The following BLK variants were observed in gnomAD, a reference collection of about 807,000 sequenced individuals.
The protein encoded by BLK is BLK proto-oncogene, Src family tyrosine kinase.
BLK carries 64 observed loss-of-function variants against 61.8 expected under a neutral mutation model. The observed-to-expected ratio is 1.03, with a 90% CI of 0.85 to 1.27. BLK has a LOEUF of 1.27. Ranked by LOEUF, BLK falls within the 50% of genes most tolerant of loss-of-function variation. The pLI is 0.00. For synonymous variants in BLK, 351 were observed against 272.0 expected (o/e 1.29, Z -2.86); for missense variants, 853 against 660.5 (o/e 1.29, Z -3.19).
intron 3 of BLK, 81 bp from the exon 4 acceptor site, chr8:11,547,951 C>T (rs1010125552): frequency 1.7e-6 from 2 of 1,202,556 alleles, no homozygotes; most frequent in Non-Finnish European, 2.5e-6. Flanking sequence ...AGCCTGTCCT[C>T]CTTGGTAGCC....
intron 1 of BLK, among the ~76,000 whole-genome samples, chr8:11,513,828 G>A (rs924366618): frequency 6.6e-5 from 10 of 152,168 alleles, no homozygotes; most frequent in African/African-American, 1.4e-4. Flanking sequence ...CCACCGCCGC[G>A]CACTGCATGA....
chr8:11,540,266 T>C (rs896845778), intron 1 of BLK, among the ~76,000 whole-genome samples: 1 of 152,202 alleles, frequency 6.6e-6, no homozygotes, highest in African/African-American at 2.4e-5. Context: ...ATTTTCCTAA[T>C]ACCATTTATT....
intron 1 of BLK, among the ~76,000 whole-genome samples, chr8:11,529,917 C>A (rs1585364225): frequency 6.6e-6 from 1 of 152,084 alleles, no homozygotes; most frequent in African/African-American, 2.4e-5. Context: ...AGGTGAATAA[C>A]CCCAAAAATC....
In BLK at chr8:11,555,450, A is replaced by G. The variant is rs1481127983; in HGVS notation, c.738A>G (p.Lys246=). 1.9e-5 allele frequency: 30 copies of G among 1,614,002 alleles called. No individual in the cohort carries two copies. The highest frequency in any genetic ancestry group is 2.3e-5 in the Non-Finnish European group (27 of 1,180,020). The stretch of plus-strand genomic sequence containing the variant: ...GGCAGTCTCTCAGGCTGGTCAGGAA[A>G]CTCGGGTCTGGACAATTCGGCGAAG... The part of the protein sequence containing the change: ...IPRQSLRLVR[K]LGSGQFGEVW... Residue 246 remains lysine (K), a synonymous_variant, in exon 8 of 13, where the codon AAA becomes AAG. Transcript: ENST00000259089.
Position 11,530,684 on chromosome 8 carries a change from T to C in BLK, c.-1-12540T>C, listed in dbSNP as rs868176147. ...TTGTTAAAAGTTGTAAATAGCTCAG[T>C]AGAAGTTTTCTTTACTCTGAAAAAC... On this transcript the variant is annotated intron_variant, in intron 1 of 12. Coordinates refer to ENST00000259089, the MANE Select transcript of BLK (RefSeq NM_001715.3). 3.5e-5 allele frequency among the ~76,000 whole-genome samples: 5 copies of C among 144,296 alleles called. No homozygotes were observed. The South Asian group carries it at 6.9e-4, about 20-fold the overall frequency. 94.7% of individuals were successfully genotyped at this position (144,296 alleles called of 152,430 possible).
At chr8:11,538,625 G>T (rs1282781456) in intron 1 of BLK, among the ~76,000 whole-genome samples, 1 of 152,254 alleles carries the variant, frequency 6.6e-6, no homozygotes, top group Admixed American at 6.5e-5. Flanking sequence ...GAAGCTTAAA[G>T]TCAATGGCAA....
At chr8:11,524,511 C>T (rs1311247849) in intron 1 of BLK, among the ~76,000 whole-genome samples, 1 of 152,204 alleles carries the variant, frequency 6.6e-6, no homozygotes, top group Non-Finnish European at 1.5e-5. Flanking sequence ...GTACAGGGAA[C>T]TACATACTTC....
intron 1 of BLK, among the ~76,000 whole-genome samples, chr8:11,535,261 G>GAAAGAAAGA (rs769872213): frequency 9.1e-6 from 1 of 110,454 alleles, no homozygotes; most frequent in African/African-American, 3.6e-5. Context: ...AAGAAAGAAA[G>GAAAGAAAGA]AAGAAAGAAA....
chr8:11,522,581 G>A (rs571856349), intron 1 of BLK, among the ~76,000 whole-genome samples: 1 of 151,916 alleles, frequency 6.6e-6, no homozygotes, highest in South Asian at 2.1e-4. Context: ...GTATGAGGTT[G>A]CCCATCCCAA....
chr8:11,532,582 T>C (rs968903494), intron 1 of BLK, among the ~76,000 whole-genome samples: 9 of 152,174 alleles, frequency 5.9e-5, no homozygotes, highest in African/African-American at 2.2e-4. Context: ...TTTTTATGTC[T>C]TCATTTTCTC....
In BLK at chr8:11,548,733, C is replaced by A. The variant is rs28625526; in HGVS notation, c.270-291C>A. ...GTTTTTCTCAAGCCTGTCCCCAGTC[C>A]CTCACCAAGCTCTGAACACGTCCCA... On this transcript the variant is annotated intron_variant, in intron 4 of 12. Transcript: ENST00000259089. Among the ~76,000 whole-genome samples, 13,728 of 152,226 alleles carry A rather than the reference C, an allele frequency of 0.09. 1,145 individuals are homozygous for A. Among genetic ancestry groups the A allele is most frequent in the African/African-American group, 0.22 (9,205 of 41,496 alleles).
chr8:11,500,099 C>G (rs1366896848), intron 1 of BLK, among the ~76,000 whole-genome samples: 1 of 152,168 alleles, frequency 6.6e-6, no homozygotes, highest in Non-Finnish European at 1.5e-5. Context: ...AGGGAGCCAA[C>G]CTGCAGTCAA....
chr8:11,555,576 C>T (rs2117552286), intron 8 of BLK, 92 bp downstream of exon 8: 3 of 1,572,244 alleles, frequency 1.9e-6, no homozygotes, highest in Non-Finnish European at 1.7e-6. Context: ...GCGTGTCATC[C>T]CTCCCCCAGA....
At chr8:11,562,600 G>A (rs1020881823) in intron 11 of BLK, among the ~76,000 whole-genome samples, 1 of 152,226 alleles carries the variant, frequency 6.6e-6, no homozygotes, top group East Asian at 1.9e-4. Flanking sequence ...GCGCCCGCAG[G>A]TTTAAATGGC....
chr8:11,545,249 T>C (rs1272199908), intron 2 of BLK, among the ~76,000 whole-genome samples: 1 of 152,174 alleles, frequency 6.6e-6, no homozygotes, highest in Non-Finnish European at 1.5e-5. Context: ...TTCCACGTTT[T>C]AAAATTGTTT....
chr8:11,554,402 A>C (rs890318804), intron 6 of BLK, among the ~76,000 whole-genome samples: 1 of 152,118 alleles, frequency 6.6e-6, no homozygotes, highest in Admixed American at 6.5e-5. Flanking sequence ...AGATTTCTCA[A>C]TAGTCCATGA....
Position 11,494,465 on chromosome 8 carries a change from T to G in BLK, c.-128T>G, listed in dbSNP as rs531714202. ...GAAAACTGATTGAGATGAGAAGAAT[T>G]CATCTGGGACTGGCTTTTGCTTTAG... On this transcript the variant is annotated 5_prime_UTR_variant, in exon 1 of 13. It adds an upstream start codon to the 5' untranslated region. Transcript: ENST00000259089. The G allele has an allele frequency of 6.6e-6, 1 of 152,318 alleles. No individual in the cohort carries two copies. Among genetic ancestry groups the G allele is most frequent in the African/African-American group, 2.4e-5 (1 of 41,546 alleles). The allele number at this position is 152,318 out of a possible 1,614,324, so 9.4% of individuals were successfully genotyped here.
intron 5 of BLK, among the ~76,000 whole-genome samples, chr8:11,549,470 G>A (rs1380537987): frequency 1.3e-5 from 2 of 152,234 alleles, no homozygotes; most frequent in African/African-American, 4.8e-5. Context: ...GCAGGACTCA[G>A]GGCTCAGCCC....
rs1800477981 is a variant in BLK at position 11,543,349 on chromosome 8, T to C, written c.123+2T>C. ...GACGCCCCGCCACTGCCGCCCCTGG[T>C]GAGTGATTGCCCACCCCCACCAAGA... On this transcript the variant is annotated splice_donor_variant, in intron 2 of 12. Coordinates refer to ENST00000259089, the MANE Select transcript of BLK (RefSeq NM_001715.3). LOFTEE classifies it high-confidence loss of function. The C allele has an allele frequency of 6.2e-7, 1 of 1,612,658 alleles. No individual in the cohort carries two copies. The highest frequency in any genetic ancestry group is 1.7e-5 in the Admixed American group (1 of 60,002).
Sources: allele counts gnomAD v4.1 joint callset (sites outside exome capture counted in the v4.1 genomes callset), GRCh38; gene constraint gnomAD v4.1.1; transcripts MANE v1.5; gene names NCBI Gene and HGNC (gene_info 2026-07-23, HGNC 2026-07-21).